Variants in ELAPOR2 observed in about 807,000 individuals in gnomAD.
The protein encoded by ELAPOR2 is endosome-lysosome associated apoptosis and autophagy regulator family member 2.
A neutral mutation model predicts 120.7 loss-of-function variants in ELAPOR2; 89 were observed. That is an observed-to-expected ratio of 0.74 (90% confidence interval 0.62 to 0.88). ELAPOR2 has a LOEUF of 0.88. Ranked by LOEUF, ELAPOR2 falls within the 40% of genes least tolerant of loss-of-function variation. The pLI is 0.00. For synonymous variants in ELAPOR2, 444 were observed against 444.9 expected (o/e 1.00, Z 0.03); for missense variants, 1,134 against 1,251.6 (o/e 0.91, Z 1.42).
In ELAPOR2 at chr7:86,947,873, GCATAC is replaced by G; in HGVS notation, c.355_359del (p.Val119GlnfsTer2). On this transcript the variant is annotated frameshift_variant, in exon 3 of 22. Transcript: ENST00000450689. LOFTEE classifies it high-confidence loss of function. ...AATAGGTGCCTTCACCACACTTACTGCATACCTGGTTCTTCATTTCTAGATACTCT... is the reference window on the plus strand; with the variant it reads ...AATAGGTGCCTTCACCACACTTACTGCTGGTTCTTCATTTCTAGATACTCT... 1 of 1,552,144 alleles carries G rather than the reference GCATAC, an allele frequency of 6.4e-7. No homozygotes were observed. Among genetic ancestry groups the G allele is most frequent in the Non-Finnish European group, 8.7e-7 (1 of 1,147,066 alleles).
intron 18 of ELAPOR2, among the ~76,000 whole-genome samples, chr7:86,900,808 C>A (rs886913675): frequency 6.6e-6 from 1 of 152,040 alleles, no homozygotes; most frequent in Non-Finnish European, 1.5e-5. Context: ...ATAATTTGAA[C>A]AGCACTTATT....
chr7:86,981,378 A>T (rs1352005165), intron 1 of ELAPOR2, among the ~76,000 whole-genome samples: 1 of 152,124 alleles, frequency 6.6e-6, no homozygotes, highest in East Asian at 1.9e-4. Flanking sequence ...TCTGTCATCT[A>T]CACTTCAACT....
intron 7 of ELAPOR2, 134 bp from the exon 8 acceptor site, chr7:86,938,348 AGGTCT>A: frequency 1.6e-6 from 1 of 618,126 alleles, no homozygotes; most frequent in Non-Finnish European, 2.8e-6. Context: ...AGAACTACCT[AGGTCT>A]AAAGAAAATA....
chr7:86,914,707 A>G lies in ELAPOR2; in HGVS notation c.1731+16T>C. 6.3e-7 allele frequency: 1 copy of G among 1,588,758 alleles called. No homozygotes were observed. The highest frequency in any genetic ancestry group is 1.2e-5 in the South Asian group (1 of 85,774). ...TAGTGTGTTTAAAATTTTAAAAAAA[A>G]GTGCTTGGAACTTACATCTTGACCC... On this transcript the variant is annotated intron_variant, in intron 13 of 21. Coordinates refer to ENST00000450689, the MANE Select transcript of ELAPOR2 (RefSeq NM_001142749.3).
At chr7:86,944,854 T>C (rs540610918) in intron 4 of ELAPOR2, 45 bp downstream of exon 4, 13 of 1,467,884 alleles carry the variant, frequency 8.9e-6, no homozygotes, top group Middle Eastern at 1.8e-4. Flanking sequence ...GAAATTTACA[T>C]GAATGTCCCT....
At chr7:87,039,141 G>A (rs117007889) in intron 1 of ELAPOR2, among the ~76,000 whole-genome samples, 3,284 of 151,882 alleles carry the variant, frequency 0.022, 55 homozygotes, top group South Asian at 0.064. Context: ...GTAACTATAC[G>A]CCAACCAACT....
chr7:86,990,622 CTT>C (rs1792913882), intron 1 of ELAPOR2, among the ~76,000 whole-genome samples: 1 of 152,030 alleles, frequency 6.6e-6, no homozygotes, highest in South Asian at 2.1e-4. Flanking sequence ...ATCTTAGTTT[CTT>C]AAGAATTCAA....
intron 1 of ELAPOR2, among the ~76,000 whole-genome samples, chr7:86,999,624 T>C (rs905034302): frequency 1.3e-5 from 2 of 152,178 alleles, no homozygotes; most frequent in Non-Finnish European, 1.5e-5. Flanking sequence ...TACTCAGATT[T>C]ATCCATAACA....
intron 1 of ELAPOR2, among the ~76,000 whole-genome samples, chr7:87,040,462 C>T (rs1015734853): frequency 2.0e-5 from 3 of 152,218 alleles, no homozygotes; most frequent in African/African-American, 4.8e-5. Context: ...GGTCCCTGAC[C>T]CCCGAGCAAC....
At chr7:87,009,244 A>G (rs1793578697) in intron 1 of ELAPOR2, among the ~76,000 whole-genome samples, 1 of 152,252 alleles carries the variant, frequency 6.6e-6, no homozygotes, top group Non-Finnish European at 1.5e-5. Flanking sequence ...GGCAAAGAGC[A>G]CATTTAGCTC....
intron 1 of ELAPOR2, among the ~76,000 whole-genome samples, chr7:87,024,072 G>A (rs1439031631): frequency 6.6e-6 from 1 of 152,104 alleles, no homozygotes; most frequent in African/African-American, 2.4e-5. Context: ...TCTCCTGCCT[G>A]ATTGCCCTGG....
intron 1 of ELAPOR2, among the ~76,000 whole-genome samples, chr7:87,054,797 GC>G (rs1795212838): frequency 6.6e-6 from 1 of 152,194 alleles, no homozygotes; most frequent in Non-Finnish European, 1.5e-5. Context: ...ACACTCTGGT[GC>G]TGAGCACCAG....
At chr7:86,896,209 T>A (rs1326408364) in intron 19 of ELAPOR2, among the ~76,000 whole-genome samples, 1 of 152,160 alleles carries the variant, frequency 6.6e-6, no homozygotes, top group Non-Finnish European at 1.5e-5. Context: ...ACTCTATGCT[T>A]GTACTTTATC....
intron 1 of ELAPOR2, among the ~76,000 whole-genome samples, chr7:86,982,188 T>A (rs1792524349): frequency 6.6e-6 from 1 of 152,234 alleles, no homozygotes; most frequent in Non-Finnish European, 1.5e-5. Context: ...CCAACGCAGC[T>A]CAGCAAGGCC....
intron 15 of ELAPOR2, chr7:86,911,644 T>C (rs1336063334): frequency 4.4e-6 from 2 of 457,200 alleles, no homozygotes; most frequent in Non-Finnish European, 4.4e-6. Context: ...TATTTGGCCC[T>C]GCATGTCTCC....
chr7:87,022,443 G>C (rs1794080768), intron 1 of ELAPOR2, among the ~76,000 whole-genome samples: 1 of 152,048 alleles, frequency 6.6e-6, no homozygotes, highest in Admixed American at 6.6e-5. Context: ...GTATTCCATG[G>C]TGTATATGTG....
rs1795363351 is a variant in ELAPOR2, at chr7:87,059,432, G to A, written c.82C>T (p.Pro28Ser). 3 of 1,233,786 alleles carry A rather than the reference G, an allele frequency of 2.4e-6. No homozygotes were observed. The African/African-American group carries it at 4.7e-5, about 19-fold the overall frequency. 76.4% of individuals were successfully genotyped at this position (1,233,786 alleles called of 1,614,324 possible). Reference sequence around the variant, plus strand: ...CAGCAAATCCAGGCGGGGCTCCAGGGCGGCGAGCGCCCGCGGCGGGGAGCC... The same window carrying A: ...CAGCAAATCCAGGCGGGGCTCCAGGACGGCGAGCGCCCGCGGCGGGGAGCC... The part of the protein sequence containing the change: ...AEAPRRGRSP[P>S]WSPAWICCWA... The change falls in exon 1 of 22, where the codon CCC (proline) becomes TCC (serine). Residue 28 changes from proline to serine, a missense_variant. This residue lies in a region of ELAPOR2 where 280 missense variants were observed against 331.5 expected (regional missense o/e 0.84). Transcript: ENST00000450689.
At chr7:86,963,776 G>A (rs750712594) in intron 2 of ELAPOR2, among the ~76,000 whole-genome samples, 10 of 152,042 alleles carry the variant, frequency 6.6e-5, no homozygotes, top group Non-Finnish European at 1.3e-4. Context: ...CCCTCTGCAC[G>A]AGTGGTTTCA....
chr7:86,895,665 G>C (rs1012831362), intron 19 of ELAPOR2, among the ~76,000 whole-genome samples: 4 of 152,028 alleles, frequency 2.6e-5, no homozygotes, highest in African/African-American at 9.7e-5. Flanking sequence ...AAGAGAGTTT[G>C]AATGAAATAA....
Sources: allele counts gnomAD v4.1 joint callset (sites outside exome capture counted in the v4.1 genomes callset), GRCh38; gene constraint gnomAD v4.1.1; regional missense constraint gnomAD v4.1.1; transcripts MANE v1.5; gene names NCBI Gene and HGNC (gene_info 2026-07-23, HGNC 2026-07-21).